The following MATN2 variants were observed in gnomAD, a reference collection of about 807,000 sequenced individuals.
MATN2 encodes the protein matrilin-2.
In MATN2, 69 loss-of-function variants were observed where a neutral mutation model predicts 103.2. The observed-to-expected ratio is 0.67, with a 90% confidence interval of 0.55 to 0.82. The LOEUF (loss-of-function observed/expected upper bound fraction) is 0.82, where lower values mean the gene tolerates loss of function less well. Among genes scored for constraint, MATN2 ranks in the 40% least tolerant of loss-of-function variants. MATN2 has a pLI of 0.00. For synonymous variants in MATN2, 429 were observed against 450.2 expected (o/e 0.95, Z 0.60); for missense variants, 1,023 against 1,211.5 (o/e 0.84, Z 2.31).
intron 7 of MATN2, among the ~76,000 whole-genome samples, chr8:97,999,726 G>T (rs1812715605): frequency 6.6e-6 from 1 of 152,152 alleles, no homozygotes; most frequent in African/African-American, 2.4e-5. Flanking sequence ...ACAGCAAGGT[G>T]ATGTCTTTTC....
intron 1 of MATN2, among the ~76,000 whole-genome samples, chr8:97,884,600 G>C (rs1011297002): frequency 6.6e-6 from 1 of 151,982 alleles, no homozygotes; most frequent in African/African-American, 2.4e-5. Flanking sequence ...ATGAAACCCC[G>C]CCTCTACTAA....
intron 2 of MATN2, among the ~76,000 whole-genome samples, chr8:97,928,970 A>G (rs1275797861): frequency 1.3e-5 from 2 of 152,188 alleles, no homozygotes; most frequent in African/African-American, 4.8e-5. Flanking sequence ...ACCAAGTGAC[A>G]AAGTGCTCTG....
intron 1 of MATN2, among the ~76,000 whole-genome samples, chr8:97,873,091 C>T (rs892217841): frequency 2.0e-5 from 3 of 152,192 alleles, no homozygotes; most frequent in Non-Finnish European, 2.9e-5. Context: ...CAACCGCACC[C>T]GGCCCAAAGT....
chr8:97,933,047 T>A (rs1810250244), intron 3 of MATN2, among the ~76,000 whole-genome samples: 1 of 152,184 alleles, frequency 6.6e-6, no homozygotes, highest in Admixed American at 6.5e-5. Flanking sequence ...GCTTTTGATG[T>A]GTATTAAACA....
chr8:97,990,846 G>A (rs1008429983), intron 6 of MATN2, among the ~76,000 whole-genome samples: 3 of 152,182 alleles, frequency 2.0e-5, no homozygotes, highest in South Asian at 2.1e-4. Context: ...GGTTATTTGG[G>A]ACTGGAGAGA....
chr8:97,981,386 C>G (rs945932212), intron 6 of MATN2, among the ~76,000 whole-genome samples: 2 of 151,984 alleles, frequency 1.3e-5, no homozygotes, highest in Non-Finnish European at 2.9e-5. Context: ...TTATGGTCAT[C>G]ATGAGCCACC....
At position 98,035,710 on chromosome 8, in the gene MATN2, T is replaced by G. The variant is rs767591853; in HGVS notation, c.2869T>G (p.Ter957GlyextTer9). ...EALENRLRYR[*>G] ...CCTGGAAAATCGCCTGAGATACAGA[T>G]GAAGATTAGAAATCGCGACACATTT... Residue 957 changes from the stop codon to glycine, a stop_lost, in exon 19 of 19, where the codon TGA becomes GGA. Transcript: ENST00000254898. 6.3e-7 allele frequency: 1 copy of G among 1,595,580 alleles called. No individual in the cohort carries two copies. The highest frequency in any genetic ancestry group is 2.2e-5 in the East Asian group (1 of 44,574).
intron 2 of MATN2, among the ~76,000 whole-genome samples, chr8:97,910,415 C>T (rs1269122080): frequency 6.6e-6 from 1 of 151,998 alleles, no homozygotes; most frequent in East Asian, 1.9e-4. Flanking sequence ...TGCAGAGAGG[C>T]GAAGGCAAGC....
chr8:98,034,242 T>C, intron 18 of MATN2: 3 of 453,960 alleles, frequency 6.6e-6, no homozygotes, highest in Non-Finnish European at 1.3e-5. Flanking sequence ...GATCCAATGA[T>C]TCATTTAAAC....
intron 1 of MATN2, among the ~76,000 whole-genome samples, chr8:97,880,146 C>T (rs1004322643): frequency 2.6e-5 from 4 of 150,974 alleles, no homozygotes; most frequent in African/African-American, 9.8e-5. Context: ...TGCAGTGGCG[C>T]CATCTCAGCT....
intron 11 of MATN2, among the ~76,000 whole-genome samples, chr8:98,017,389 TG>T (rs1260413077): frequency 2.0e-5 from 3 of 152,248 alleles, no homozygotes; most frequent in Non-Finnish European, 2.9e-5. Flanking sequence ...AGTGAATTGC[TG>T]GTGTAAATCT....
chr8:97,905,490 T>C (rs1819136789), intron 2 of MATN2, among the ~76,000 whole-genome samples: 1 of 152,172 alleles, frequency 6.6e-6, no homozygotes, highest in Admixed American at 6.6e-5. Flanking sequence ...TATCCTTTGG[T>C]TGTTAGCTTT....
intron 5 of MATN2, among the ~76,000 whole-genome samples, chr8:97,972,338 C>CAAAAAAAAAAAA (rs3076713): frequency 1.6e-5 from 2 of 126,878 alleles, no homozygotes; most frequent in African/African-American, 3.0e-5. Context: ...GACCCTGTCT[C>CAAAAAAAAAAAA]AAAAAAAAAA....
rs1326404220 is a variant in MATN2 at position 98,027,498 on chromosome 8, G to A, written c.2025G>A (p.Lys675=). ...GAGAAGAGAATTTTGAGGTCGTGAAGCAGTTTGTCACTGGAATTATAGATT... is the reference window on the plus strand; with the variant it reads ...GAGAAGAGAATTTTGAGGTCGTGAAACAGTTTGTCACTGGAATTATAGATT... ...SLGEENFEVV[K]QFVTGIIDSL... Residue 675 remains lysine (K), a synonymous_variant, in exon 14 of 19, where the codon AAG becomes AAA. Coordinates refer to ENST00000254898, the MANE Select transcript of MATN2 (RefSeq NM_002380.5). 2 of 1,613,968 alleles carry A rather than the reference G, an allele frequency of 1.2e-6. No individual in the cohort carries two copies. The highest frequency in any genetic ancestry group is 4.5e-5 in the East Asian group (2 of 44,862).
intron 5 of MATN2, among the ~76,000 whole-genome samples, chr8:97,975,610 C>G (rs1811811671): frequency 7.9e-5 from 12 of 152,170 alleles, no homozygotes; most frequent in Admixed American, 7.9e-4. Flanking sequence ...ATTTGGAAGT[C>G]AGATCAGCAG....
intron 1 of MATN2, among the ~76,000 whole-genome samples, chr8:97,886,211 G>A (rs1818421826): frequency 6.6e-6 from 1 of 152,060 alleles, no homozygotes; most frequent in Non-Finnish European, 1.5e-5. Flanking sequence ...AACAAGCTCA[G>A]GGCTCCCACT....
chr8:98,011,947 C>T (rs1337235101), intron 10 of MATN2, among the ~76,000 whole-genome samples: 2 of 152,220 alleles, frequency 1.3e-5, no homozygotes, highest in African/African-American at 4.8e-5. Flanking sequence ...GCACACGCTG[C>T]AGAATCCATT....
At position 97,985,177 on chromosome 8, in the gene MATN2, G is replaced by A. The variant is rs567589037; in HGVS notation, c.1081+6169G>A. On this transcript the variant is annotated intron_variant, in intron 6 of 18. Coordinates refer to ENST00000254898, the MANE Select transcript of MATN2 (RefSeq NM_002380.5). Reference sequence around the variant, plus strand: ...AGGCTGCTTCCACTCACAGCGGGAGGTGATGTGGAGCCGACCTGTGCAGAG... The same window carrying A: ...AGGCTGCTTCCACTCACAGCGGGAGATGATGTGGAGCCGACCTGTGCAGAG... Among the ~76,000 whole-genome samples, 6 of 152,336 alleles carry A rather than the reference G, an allele frequency of 3.9e-5. No individual in the cohort carries two copies. In the South Asian group the frequency reaches 1.2e-3, roughly 32 times the overall value.
intron 6 of MATN2, among the ~76,000 whole-genome samples, chr8:97,980,962 G>C (rs1307103702): frequency 2.0e-5 from 3 of 152,082 alleles, no homozygotes; most frequent in African/African-American, 7.2e-5. Flanking sequence ...GATTACTTGA[G>C]CCCAGGAGTT....
Sources: allele counts gnomAD v4.1 joint callset (sites outside exome capture counted in the v4.1 genomes callset), GRCh38; gene constraint gnomAD v4.1.1; transcripts MANE v1.5; gene names NCBI Gene and HGNC (gene_info 2026-07-23, HGNC 2026-07-21).